Variants in NGLY1 observed in about 807,000 individuals in gnomAD.
NGLY1 encodes the protein peptide-N(4)-(N-acetyl-beta-glucosaminyl)asparagine amidase.
Under a neutral mutation model 84.6 loss-of-function variants are expected in NGLY1, and 68 were observed. The observed-to-expected ratio is 0.80, with a 90% CI of 0.66 to 0.98. The LOEUF (loss-of-function observed/expected upper bound fraction) is 0.98. Among genes scored for constraint, NGLY1 ranks in the 50% least tolerant of loss-of-function variants. NGLY1 has a pLI of 0.00. For missense variants in NGLY1, 779 were observed against 770.2 expected (o/e 1.01, Z -0.14); for synonymous variants, 280 against 275.2 (o/e 1.02, Z -0.17).
chr3:25,783,436 CCCA>C lies in NGLY1; in HGVS notation c.-49_-47del. 6.7e-7 allele frequency: 1 copy of C among 1,497,668 alleles called. No individual in the cohort carries two copies. The highest frequency in any genetic ancestry group is 1.3e-5 in the South Asian group (1 of 79,488). The allele number at this position is 1,497,668 out of a possible 1,614,324, so 92.8% of individuals were successfully genotyped here. A position where few individuals can be genotyped will look rare whatever the true frequency, so the allele number is the denominator to read the frequency against. ...CGCCGCCGCCCCTCGCTCTCCGCGT[CCCA>C]CACTGAGCAGGCGCCTCAGCGCGCA... On this transcript the variant is annotated 5_prime_UTR_variant, in exon 1 of 12. Transcript: ENST00000280700. This position sits in a 1 kb window ranked among gnomAD's most constrained non-coding sequence, Gnocchi z 4.5.
At chr3:25,787,199 G>C (rs183868171), upstream of NGLY1, among the ~76,000 whole-genome samples, 591 of 152,254 alleles carry the variant, frequency 3.9e-3, 4 homozygotes, top group African/African-American at 0.014. Context: ...CAGTGAGGGG[G>C]GACAACTTGA....
At chr3:25,751,708 G>T (rs899171271) in intron 3 of NGLY1, among the ~76,000 whole-genome samples, 2 of 152,192 alleles carry the variant, frequency 1.3e-5, no homozygotes, top group African/African-American at 4.8e-5. Context: ...CTCCAGAGAG[G>T]ATGGTGATGA....
intron 3 of NGLY1, among the ~76,000 whole-genome samples, chr3:25,754,664 G>A (rs1436642576): frequency 1.4e-5 from 2 of 145,892 alleles, no homozygotes; most frequent in African/African-American, 5.2e-5. Flanking sequence ...CAACTGTTAG[G>A]AAAAAAAAAA....
In NGLY1 at chr3:25,783,406, G is replaced by C; in HGVS notation, c.-16C>G. On this transcript the variant is annotated 5_prime_UTR_variant, in exon 1 of 12. Coordinates refer to ENST00000280700, the MANE Select transcript of NGLY1 (RefSeq NM_018297.4). The surrounding 1 kb of genome is among the most constrained non-coding windows in gnomAD (Gnocchi z 4.5). ...CCGCCGCCATGCTTGAGCGCCAGCG[G>C]GCGCCGCCGCCGCCCCTCGCTCTCC... 1 of 1,523,278 alleles carries C rather than the reference G, an allele frequency of 6.6e-7. No individual in the cohort carries two copies. The highest frequency in any genetic ancestry group is 8.8e-7 in the Non-Finnish European group (1 of 1,136,636). 94.4% of individuals were successfully genotyped at this position (1,523,278 alleles called of 1,614,324 possible).
chr3:25,734,056 T>G, intron 7 of NGLY1, 74 bp from the exon 8 acceptor site: 1 of 1,554,450 alleles, frequency 6.4e-7, no homozygotes, highest in Non-Finnish European at 8.8e-7. Context: ...ATACCTAGAA[T>G]GTATGTAATT....
intron 2 of NGLY1, 170 bp downstream of exon 2, chr3:25,778,404 C>A: frequency 2.3e-6 from 1 of 438,618 alleles, no homozygotes. Context: ...AAATTTTAAA[C>A]TATACTTGTT....
At chr3:25,741,086 C>T (rs1706112566) in intron 4 of NGLY1, among the ~76,000 whole-genome samples, 1 of 150,148 alleles carries the variant, frequency 6.7e-6, no homozygotes, top group African/African-American at 2.5e-5. Flanking sequence ...CAAGATCATG[C>T]CATTGCACTC....
chr3:25,774,568 G>C (rs1406247408), intron 2 of NGLY1, among the ~76,000 whole-genome samples: 2 of 152,008 alleles, frequency 1.3e-5, no homozygotes, highest in African/African-American at 4.8e-5. Context: ...CCAGGGAAGT[G>C]GGGGAAAGCC....
At chr3:25,784,892 C>T (rs949561898), upstream of NGLY1, among the ~76,000 whole-genome samples, 8 of 152,094 alleles carry the variant, frequency 5.3e-5, no homozygotes, top group Non-Finnish European at 1.0e-4. Flanking sequence ...TCATATAACA[C>T]TTTAATAATG....
intron 2 of NGLY1, among the ~76,000 whole-genome samples, chr3:25,771,380 T>C (rs1294553918): frequency 1.3e-5 from 2 of 152,240 alleles, no homozygotes; most frequent in South Asian, 2.1e-4. Flanking sequence ...GAGTTATTTA[T>C]TCTATTCTAT....
At position 25,735,988 on chromosome 3, in the gene NGLY1, TTC is replaced by T; in HGVS notation, c.1149+14_1149+15del. 4 of 1,568,046 alleles carry T rather than the reference TTC, an allele frequency of 2.6e-6. No homozygotes were observed. The highest frequency in any genetic ancestry group is 2.6e-6 in the Non-Finnish European group (3 of 1,162,858). On this transcript the variant is annotated intron_variant, in intron 7 of 11. Coordinates refer to ENST00000280700, the MANE Select transcript of NGLY1 (RefSeq NM_018297.4). ...ATTTTACTTTTGGAAAAAAGTTTTT[TTC>T]TTTTATGCTCTACCTCATCTTTTGA... is the stretch of plus-strand genomic sequence containing the variant.
rs1489936517 is a variant in NGLY1, at chr3:25,737,599, G to A, written c.882-144C>T. ...GCTCTGTCACCCAGGCTGGAGTGCA[G>A]TGGCGCAATCTCGGCTCACTGCAAC... On this transcript the variant is annotated intron_variant, in intron 5 of 11. Transcript: ENST00000280700. 28 of 729,162 alleles carry A rather than the reference G, an allele frequency of 3.8e-5. No individual in the cohort carries two copies. In the East Asian group the frequency reaches 8.3e-4, roughly 22 times the overall value. 45.2% of individuals were successfully genotyped at this position (729,162 alleles called of 1,614,324 possible).
At chr3:25,740,087 A>AT (rs1328359827) in intron 4 of NGLY1, among the ~76,000 whole-genome samples, 2 of 152,228 alleles carry the variant, frequency 1.3e-5, no homozygotes, top group Non-Finnish European at 2.9e-5. Flanking sequence ...TTAGGGAACT[A>AT]TAGTCAGTTA....
chr3:25,764,650 C>T (rs910093617), intron 2 of NGLY1, among the ~76,000 whole-genome samples: 1 of 151,244 alleles, frequency 6.6e-6, no homozygotes, highest in African/African-American at 2.4e-5. Context: ...ATATTCCTAT[C>T]CTCTCTGCAA....
chr3:25,761,518 C>T (rs1559550338), intron 3 of NGLY1, among the ~76,000 whole-genome samples: 1 of 152,174 alleles, frequency 6.6e-6, no homozygotes, highest in African/African-American at 2.4e-5. Context: ...TGAACTACTA[C>T]TTAACAACCA....
At chr3:25,747,530 A>T (rs966104425) in intron 4 of NGLY1, among the ~76,000 whole-genome samples, 1 of 152,238 alleles carries the variant, frequency 6.6e-6, no homozygotes, top group South Asian at 2.1e-4. Context: ...TATAAATGAC[A>T]TTTGTGAAAA....
intron 10 of NGLY1, among the ~76,000 whole-genome samples, chr3:25,727,453 G>A (rs1705318598): frequency 6.6e-6 from 1 of 152,118 alleles, no homozygotes. Flanking sequence ...TTCCTTGCCT[G>A]ATAAACACCT....
intron 5 of NGLY1, 63 bp from the exon 6 acceptor site, chr3:25,737,518 A>C: frequency 3.0e-6 from 4 of 1,333,754 alleles, no homozygotes; most frequent in Non-Finnish European, 4.1e-6. Flanking sequence ...AATTTACATT[A>C]CCTCTATGCT....
intron 3 of NGLY1, among the ~76,000 whole-genome samples, chr3:25,763,254 T>C (rs1707400394): frequency 6.6e-6 from 1 of 152,218 alleles, no homozygotes; most frequent in African/African-American, 2.4e-5. Context: ...AAATAAAATG[T>C]TTGCAAGCTT....
Sources: gnomAD v4.1 joint callset for allele counts (sites outside exome capture counted in the v4.1 genomes callset) on GRCh38, gnomAD v4.1.1 for gene constraint, Gnocchi (gnomAD v3.1) non-coding constraint, MANE v1.5 for transcripts, NCBI Gene and HGNC (gene_info 2026-07-23, HGNC 2026-07-21) for gene names.